IMMP2L: variants seen among roughly 807,000 people sequenced by gnomAD.
IMMP2L encodes the protein mitochondrial inner membrane protease subunit 2.
In IMMP2L, 18 loss-of-function variants were observed where a neutral mutation model predicts 19.3. That is an observed-to-expected ratio of 0.93 (90% CI 0.64 to 1.38). The LOEUF is 1.38. Among genes scored for constraint, IMMP2L ranks in the 40% most tolerant of loss-of-function variants. The pLI, the probability that IMMP2L is intolerant of heterozygous loss-of-function variation, is 0.00. For synonymous variants in IMMP2L, 76 were observed against 73.0 expected, an observed-to-expected ratio of 1.04 and a Z score of -0.21; for missense variants, 233 against 218.2, an observed-to-expected ratio of 1.07 and a Z score of -0.43.
chr7:110,883,546 T>C (rs1809907911), intron 5 of IMMP2L, among the ~76,000 whole-genome samples: 1 of 152,152 alleles, frequency 6.6e-6, no homozygotes, highest in African/African-American at 2.4e-5. Flanking sequence ...AAATAGTTTC[T>C]GCCTCTGAAT....
intron 3 of IMMP2L, chr7:111,124,994 CA>C (rs949546827): frequency 1.1e-6 from 1 of 905,360 alleles, no homozygotes; most frequent in African/African-American, 1.7e-5. Context: ...AACAAACAAA[CA>C]AAAAAGTAAA....
intron 5 of IMMP2L, among the ~76,000 whole-genome samples, chr7:110,738,595 T>A (rs1206527480): frequency 6.6e-6 from 1 of 152,242 alleles, no homozygotes; most frequent in Non-Finnish European, 1.5e-5. Flanking sequence ...AACCTAAGAA[T>A]AATTGGTGTT....
chr7:110,854,266 A>G (rs1806527393), intron 5 of IMMP2L, among the ~76,000 whole-genome samples: 1 of 151,934 alleles, frequency 6.6e-6, no homozygotes, highest in Non-Finnish European at 1.5e-5. Context: ...TTTATATATC[A>G]GTGGAAAACT....
chr7:110,864,532 G>A (rs1807788564), intron 5 of IMMP2L, among the ~76,000 whole-genome samples: 1 of 152,086 alleles, frequency 6.6e-6, no homozygotes, highest in Admixed American at 6.6e-5. Context: ...TAAAGAGTAT[G>A]TTTAGCATCT....
At chr7:111,175,224 G>A (rs1806909768) in intron 3 of IMMP2L, among the ~76,000 whole-genome samples, 1 of 151,716 alleles carries the variant, frequency 6.6e-6, no homozygotes, top group Non-Finnish European at 1.5e-5. Context: ...GATGGCCAAG[G>A]AAAAGGTCTT....
chr7:111,518,266 A>G (rs80009519), intron 2 of IMMP2L, among the ~76,000 whole-genome samples: 5,724 of 152,232 alleles, frequency 0.038, 179 homozygotes, highest in Non-Finnish European at 0.055. Context: ...GAAAGACCGA[A>G]AAACAATTCT....
At chr7:111,261,833 G>T (rs1052810949) in intron 3 of IMMP2L, among the ~76,000 whole-genome samples, 1 of 152,166 alleles carries the variant, frequency 6.6e-6, no homozygotes, top group Admixed American at 6.6e-5. Context: ...GGACTGCATT[G>T]AGGTCAGAAA....
intron 5 of IMMP2L, among the ~76,000 whole-genome samples, chr7:110,745,720 C>G (rs1446828916): frequency 3.9e-5 from 6 of 152,146 alleles, no homozygotes; most frequent in Non-Finnish European, 8.8e-5. Flanking sequence ...TTGTCACCAC[C>G]AGGCCTGCCC....
intron 3 of IMMP2L, among the ~76,000 whole-genome samples, chr7:111,277,297 A>G (rs1399155505): frequency 6.6e-6 from 1 of 152,100 alleles, no homozygotes; most frequent in Non-Finnish European, 1.5e-5. Flanking sequence ...AGGAATGAAC[A>G]TTTTCCAAAA....
At chr7:111,485,757 T>C (rs969908916) in intron 3 of IMMP2L, among the ~76,000 whole-genome samples, 3 of 152,114 alleles carry the variant, frequency 2.0e-5, no homozygotes, top group Non-Finnish European at 4.4e-5. Context: ...CTCTTTTTAA[T>C]ATACTCCATG....
chr7:111,219,024 T>C (rs1446926604), intron 3 of IMMP2L, among the ~76,000 whole-genome samples: 2 of 151,962 alleles, frequency 1.3e-5, no homozygotes, highest in Admixed American at 1.3e-4. Context: ...CTAAAACTTG[T>C]GAAGGAGTGA....
chr7:111,113,953 T>C (rs1471370522), intron 3 of IMMP2L, among the ~76,000 whole-genome samples: 1 of 152,162 alleles, frequency 6.6e-6, no homozygotes, highest in Non-Finnish European at 1.5e-5. Context: ...AGACTTTTCC[T>C]CTCAATTTAT....
At chr7:110,802,491 A>G (rs1443907131) in intron 5 of IMMP2L, among the ~76,000 whole-genome samples, 2 of 151,886 alleles carry the variant, frequency 1.3e-5, no homozygotes, top group African/African-American at 2.4e-5. Flanking sequence ...ATTATTTTGT[A>G]ATTTTATTTA....
intron 3 of IMMP2L, among the ~76,000 whole-genome samples, chr7:111,059,196 C>G (rs898283876): frequency 6.6e-6 from 1 of 152,050 alleles, no homozygotes; most frequent in African/African-American, 2.4e-5. Context: ...GTTGCCCAGG[C>G]TGGTCTCAAA....
chr7:110,685,065 G>A (rs1046299550), intron 5 of IMMP2L, among the ~76,000 whole-genome samples: 1 of 151,922 alleles, frequency 6.6e-6, no homozygotes, highest in African/African-American at 2.4e-5. Context: ...GGTTGGGGGG[G>A]AAGGGGATGT....
At chr7:110,853,578 C>T (rs1350532891) in intron 5 of IMMP2L, among the ~76,000 whole-genome samples, 1 of 151,926 alleles carries the variant, frequency 6.6e-6, no homozygotes, top group Non-Finnish European at 1.5e-5. Flanking sequence ...GATGATAGAA[C>T]CTTTAGAGAT....
intron 4 of IMMP2L, among the ~76,000 whole-genome samples, chr7:110,932,248 A>G (rs1350917639): frequency 6.6e-6 from 1 of 152,198 alleles, no homozygotes; most frequent in East Asian, 1.9e-4. Context: ...CTGAATAACT[A>G]TTTCTAGATC....
chr7:111,319,437 G>T (rs1300843238), intron 3 of IMMP2L, among the ~76,000 whole-genome samples: 1 of 151,978 alleles, frequency 6.6e-6, no homozygotes, highest in Non-Finnish European at 1.5e-5. Flanking sequence ...TCATAGTTTA[G>T]CAGATCTAAG....
chr7:110,941,787 T>C (rs536978446), intron 4 of IMMP2L, among the ~76,000 whole-genome samples: 3 of 152,178 alleles, frequency 2.0e-5, no homozygotes, highest in African/African-American at 7.2e-5. Flanking sequence ...ACGAAAATCA[T>C]GAACTCAATT....
Sources: gnomAD v4.1 joint callset for allele counts (sites outside exome capture counted in the v4.1 genomes callset) on GRCh38, gnomAD v4.1.1 for gene constraint, MANE v1.5 for transcripts, NCBI Gene and HGNC (gene_info 2026-07-23, HGNC 2026-07-21) for gene names.